Variants in SFPQ observed in about 807,000 individuals in gnomAD.
SFPQ encodes the protein splicing factor proline and glutamine rich.
A neutral mutation model predicts 72.9 loss-of-function variants in SFPQ; 11 were observed. The observed-to-expected ratio is 0.15, with a 90% confidence interval of 0.09 to 0.25. The LOEUF (loss-of-function observed/expected upper bound fraction) is 0.25. Among genes scored for constraint, SFPQ ranks in the 10% least tolerant of loss-of-function variants. The pLI is 1.00. For synonymous variants in SFPQ, 506 were observed against 367.3 expected (o/e 1.38, Z -4.32); for missense variants, 847 against 993.3 (o/e 0.85, Z 1.98).
At chr1:35,177,802 A>C (rs1639309016) in intron 4 of SFPQ, 1 of 186,270 alleles carries the variant, frequency 5.4e-6, no homozygotes, top group Non-Finnish European at 1.1e-5. Context: ...CTATTGTTTG[A>C]CATTTTTATA....
Position 35,189,439 on chromosome 1 carries a change from C to T in SFPQ, c.1416-57G>A, listed in dbSNP as rs1639886972. ...ATTTGTGAATGCATACCAGAAAATA[C>T]TTGCCCTAGTACTGATCTTTTTCCT... On this transcript the variant is annotated intron_variant, in intron 4 of 9. Coordinates refer to ENST00000357214, the MANE Select transcript of SFPQ (RefSeq NM_005066.3). 2.5e-5 allele frequency: 35 copies of T among 1,377,362 alleles called. No individual in the cohort carries two copies. The South Asian group carries it at 4.3e-4, about 17-fold the overall frequency. 85.3% of individuals were successfully genotyped at this position (1,377,362 alleles called of 1,614,324 possible).
intron 6 of SFPQ, 53 bp from the exon 7 acceptor site, chr1:35,188,143 T>C (rs1639815772): frequency 1.5e-6 from 2 of 1,359,214 alleles, no homozygotes; most frequent in Non-Finnish European, 1.1e-6. Flanking sequence ...TCTTTTAGAA[T>C]TCAATGTGAA....
At position 35,190,885 on chromosome 1, in the gene SFPQ, A is replaced by G; in HGVS notation, c.1128T>C (p.Arg376=). The G allele has an allele frequency of 1.2e-6, 2 of 1,614,242 alleles. No homozygotes were observed. The highest frequency in any genetic ancestry group is 1.7e-6 in the Non-Finnish European group (2 of 1,180,050). ...CATTGGAAACATAAGGTGAAAGATT[A>G]CGAACAGAAAGGGCAGCAGCATGTG... The part of the protein sequence containing the change: ...FATHAAALSV[R]NLSPYVSNEL... The change falls in exon 3 of 10, where the codon CGT becomes CGC. Residue 376 remains arginine, a synonymous_variant. Coordinates refer to ENST00000357214, the MANE Select transcript of SFPQ (RefSeq NM_005066.3).
At chr1:35,179,205 T>C, downstream of SFPQ, 2 of 1,061,340 alleles carry the variant, frequency 1.9e-6, no homozygotes. Context: ...AATGCAGGAC[T>C]GTGGATCATG....
chr1:35,181,219 C>A (rs1178921402), downstream of SFPQ: 2 of 1,065,372 alleles, frequency 1.9e-6, no homozygotes, highest in African/African-American at 3.3e-5. Flanking sequence ...TGCGGTACTA[C>A]GTTCCTCACA....
intron 1 of SFPQ, 44 bp from the exon 2 acceptor site, chr1:35,191,573 C>CA: frequency 6.8e-7 from 1 of 1,460,998 alleles, no homozygotes; most frequent in Non-Finnish European, 9.4e-7. Flanking sequence ...GAGACCTCTG[C>CA]AAGTGAAAAT....
At chr1:35,178,990 A>C (rs1639360670), downstream of SFPQ, 1 of 1,057,316 alleles carries the variant, frequency 9.5e-7, no homozygotes, top group African/African-American at 1.6e-5. Flanking sequence ...GAGTCTTAAA[A>C]ATTGCCAATC....
downstream of SFPQ, chr1:35,180,689 T>C (rs1005880532): frequency 9.5e-7 from 1 of 1,056,530 alleles, no homozygotes; most frequent in Non-Finnish European, 1.1e-6. Context: ...TTACCAAGAT[T>C]GCATAATGAA....
At chr1:35,190,310 A>G (rs1639934173) in intron 4 of SFPQ, among the ~76,000 whole-genome samples, 188 bp downstream of exon 4, 1 of 152,256 alleles carries the variant, frequency 6.6e-6, no homozygotes. Flanking sequence ...ATGTGAATGT[A>G]TCCACCTTAG....
intron 4 of SFPQ, among the ~76,000 whole-genome samples, chr1:35,189,712 G>A (rs1216497428): frequency 1.3e-5 from 2 of 152,076 alleles, no homozygotes; most frequent in South Asian, 2.1e-4. Flanking sequence ...ACTTTGAGAG[G>A]CCAAGGCAGG....
At chr1:35,181,622 G>A (rs982208784), downstream of SFPQ, 16 of 1,059,984 alleles carry the variant, frequency 1.5e-5, no homozygotes, top group South Asian at 9.1e-5. Flanking sequence ...AAGATTAGGA[G>A]AAGTATAAAA....
In SFPQ at chr1:35,184,339, C is replaced by T. The variant is rs915753815; in HGVS notation, c.*117G>A. 5.9e-6 allele frequency: 9 copies of T among 1,527,650 alleles called. No homozygotes were observed. The highest frequency in any genetic ancestry group is 1.4e-5 in the African/African-American group (1 of 70,202). The allele number at this position is 1,527,650 out of a possible 1,614,324, so 94.6% of individuals were successfully genotyped here. A position where few individuals can be genotyped will look rare whatever the true frequency, so the allele number is the denominator to read the frequency against. On this transcript the variant is annotated 3_prime_UTR_variant, in exon 10 of 10. Coordinates refer to ENST00000357214, the MANE Select transcript of SFPQ (RefSeq NM_005066.3). Reference sequence around the variant, plus strand: ...AACAGACCATTTACAAATATTAGGTCAATAAACTGCTAACATCCATAAAAA... The same window carrying T: ...AACAGACCATTTACAAATATTAGGTTAATAAACTGCTAACATCCATAAAAA...
At chr1:35,182,767 T>C (rs1639522899), downstream of SFPQ, 1 of 985,304 alleles carries the variant, frequency 1.0e-6, no homozygotes, top group Non-Finnish European at 1.2e-6. Flanking sequence ...AACCATTCAA[T>C]TACTTTACCT....
rs537724548 is a variant in SFPQ at position 35,183,885 on chromosome 1, A to G, written c.*571T>C. On this transcript the variant is annotated 3_prime_UTR_variant, in exon 10 of 10. Coordinates refer to ENST00000357214, the MANE Select transcript of SFPQ (RefSeq NM_005066.3). ...TTGCTTACATAACCATTTAAAAAAT[A>G]CTTAGCACCAGCGTGCTTCCTATAT... The G allele has an allele frequency of 1.4e-5, 15 of 1,052,956 alleles. No individual in the cohort carries two copies. The South Asian group carries it at 3.7e-4, about 26-fold the overall frequency. 65.2% of individuals were successfully genotyped at this position (1,052,956 alleles called of 1,614,324 possible).
In SFPQ at chr1:35,184,197, G is replaced by C; in HGVS notation, c.*259C>G. ...ACACTTTGGAAATTCAGTGGCACAA[G>C]GTACACTGCCATAAACTTGAGGGAC... On this transcript the variant is annotated 3_prime_UTR_variant, in exon 10 of 10. Transcript: ENST00000357214. 1 of 1,189,568 alleles carries C rather than the reference G, an allele frequency of 8.4e-7. No homozygotes were observed. Among genetic ancestry groups the C allele is most frequent in the Non-Finnish European group, 1.0e-6 (1 of 967,062 alleles). The allele number at this position is 1,189,568 out of a possible 1,614,324, so 73.7% of individuals were successfully genotyped here.
chr1:35,189,977 T>G (rs1455263485), intron 4 of SFPQ, among the ~76,000 whole-genome samples: 8 of 151,528 alleles, frequency 5.3e-5, no homozygotes, highest in Non-Finnish European at 1.2e-4. Context: ...AAAAACGTAC[T>G]TCAGCCAGGC....
chr1:35,183,247 G>C lies in SFPQ; in HGVS notation c.*1209C>G, dbSNP rs1226597721. 4 of 880,974 alleles carry C rather than the reference G, an allele frequency of 4.5e-6. No homozygotes were observed. The East Asian group carries it at 2.2e-4, about 48-fold the overall frequency. 54.6% of individuals were successfully genotyped at this position (880,974 alleles called of 1,614,324 possible). On this transcript the variant is annotated 3_prime_UTR_variant, in exon 10 of 10. Transcript: ENST00000357214. ...AACCTTTTTTTTTTTTTGAGACAGA[G>C]TCTCGCTCTGTTGTCCAGGCTGGAG...
chr1:35,186,864 A>G (rs1045765245), intron 9 of SFPQ, 137 bp downstream of exon 9: 1 of 786,512 alleles, frequency 1.3e-6, no homozygotes, highest in African/African-American at 1.7e-5. Context: ...AATATTACAT[A>G]TTTATGTATG....
At chr1:35,178,527 T>A, downstream of SFPQ, 4 of 1,061,828 alleles carry the variant, frequency 3.8e-6, no homozygotes, top group Non-Finnish European at 4.6e-6. Flanking sequence ...ACGCTGTAGT[T>A]GTTGTCCTGC....
Sources: gnomAD v4.1 joint callset for allele counts (sites outside exome capture counted in the v4.1 genomes callset) on GRCh38, gnomAD v4.1.1 for gene constraint, MANE v1.5 for transcripts, NCBI Gene and HGNC (gene_info 2026-07-23, HGNC 2026-07-21) for gene names.